The following TANC2 variants were observed in gnomAD, a reference collection of about 807,000 sequenced individuals.
TANC2 encodes the protein tetratricopeptide repeat, ankyrin repeat and coiled-coil containing 2, also known as protein TANC2.
A neutral mutation model predicts 210.5 loss-of-function variants in TANC2; 26 were observed. The ratio of observed to expected loss-of-function variants is 0.12; its 90% confidence interval spans 0.09 to 0.17. TANC2 has a LOEUF of 0.17. Among genes scored for constraint, TANC2 ranks in the 10% least tolerant of loss-of-function variants. TANC2 has a pLI of 1.00. For synonymous variants in TANC2, 931 were observed against 967.1 expected, an observed-to-expected ratio of 0.96 and a Z score of 0.69; for missense variants, 2,129 against 2,608.9, an observed-to-expected ratio of 0.82 and a Z score of 4.01.
chr17:63,395,707 CTG>C (rs767918431), intron 17 of TANC2, 34 bp from the exon 18 acceptor site: 1 of 1,597,768 alleles, frequency 6.3e-7, no homozygotes, highest in Admixed American at 1.7e-5. Context: ...AGCCACAAGT[CTG>C]TGTTCACACA....
chr17:62,968,004 T>C (rs977926506), intron 1 of TANC2, among the ~76,000 whole-genome samples: 2 of 152,180 alleles, frequency 1.3e-5, no homozygotes, highest in South Asian at 4.1e-4. Context: ...TATCTAGATA[T>C]TTATTTATGT....
At chr17:63,007,995 T>G (rs1175937542) in intron 1 of TANC2, among the ~76,000 whole-genome samples, 2 of 151,758 alleles carry the variant, frequency 1.3e-5, no homozygotes, top group African/African-American at 2.4e-5. Context: ...CCAGTTTTTT[T>G]TTTTTTTTTT....
chr17:63,175,598 C>A (rs2040552895), intron 5 of TANC2, among the ~76,000 whole-genome samples: 2 of 148,924 alleles, frequency 1.3e-5, no homozygotes, highest in Admixed American at 6.7e-5. Context: ...ATCTTTGCAA[C>A]CTTGGGGCAA....
chr17:63,230,700 T>G (rs2145999167), intron 7 of TANC2, among the ~76,000 whole-genome samples: 1 of 152,346 alleles, frequency 6.6e-6, no homozygotes, highest in Admixed American at 6.5e-5. Context: ...TGTGATCAAT[T>G]TTACAGTAAG....
chr17:63,216,656 C>G (rs572085373), intron 7 of TANC2, among the ~76,000 whole-genome samples: 4 of 152,198 alleles, frequency 2.6e-5, no homozygotes, highest in Admixed American at 1.3e-4. Flanking sequence ...TCATATGAAT[C>G]GTAGGGCACC....
At position 63,364,987 on chromosome 17, in the gene TANC2, A is replaced by C. The variant is rs190007103; in HGVS notation, c.2582+9597A>C. On this transcript the variant is annotated intron_variant, in intron 14 of 27. Coordinates refer to ENST00000689528, the Ensembl canonical transcript of TANC2. ...GAGGTGGAAGTAGGGCAGGCGATTA[A>C]GGGAAATTTCTTGTACTGAAAGTAG... Among the ~76,000 whole-genome samples the C allele has an allele frequency of 1.2e-4, 19 of 152,326 alleles. No individual in the cohort carries two copies. The East Asian group carries it at 3.7e-3, about 29-fold the overall frequency.
intron 10 of TANC2, among the ~76,000 whole-genome samples, chr17:63,316,759 G>A (rs1426689289): frequency 6.6e-6 from 1 of 152,076 alleles, no homozygotes; most frequent in African/African-American, 2.4e-5. Flanking sequence ...TATTCTACCA[G>A]TGCCATCTTA....
At chr17:63,120,104 G>T (rs1315231954) in intron 4 of TANC2, among the ~76,000 whole-genome samples, 2 of 151,146 alleles carry the variant, frequency 1.3e-5, no homozygotes, top group African/African-American at 4.9e-5. Flanking sequence ...TTTTAATGAG[G>T]TTAGTATTTT....
chr17:63,269,558 T>C (rs1457149913), intron 9 of TANC2, among the ~76,000 whole-genome samples: 2 of 152,194 alleles, frequency 1.3e-5, no homozygotes, highest in Admixed American at 6.6e-5. Flanking sequence ...GACTTTATTT[T>C]CTGCTTTACT....
At chr17:63,036,900 G>A (rs1335911806) in intron 2 of TANC2, among the ~76,000 whole-genome samples, 6 of 150,274 alleles carry the variant, frequency 4.0e-5, no homozygotes, top group Non-Finnish European at 1.5e-5. Context: ...TGTCCAGAGG[G>A]GATACACACC....
chr17:63,364,700 T>C (rs2047060211), intron 14 of TANC2, among the ~76,000 whole-genome samples: 1 of 151,812 alleles, frequency 6.6e-6, no homozygotes, highest in African/African-American at 2.4e-5. Context: ...GGTGGGAGAA[T>C]CACTTGAGGC....
intron 17 of TANC2, 180 bp downstream of exon 17, chr17:63,389,724 G>A: frequency 1.5e-6 from 1 of 653,518 alleles, no homozygotes; most frequent in South Asian, 1.8e-5. Flanking sequence ...CCATCCTGCA[G>A]GAGCACACAG....
chr17:63,251,398 AGTACAACTAG>A (rs750362010), intron 8 of TANC2, among the ~76,000 whole-genome samples: 3 of 152,214 alleles, frequency 2.0e-5, no homozygotes, highest in Non-Finnish European at 2.9e-5. Flanking sequence ...TGTGAGGAAG[AGTACAACTAG>A]GTACAACTAG....
chr17:63,008,895 G>A (rs1050362035), intron 1 of TANC2, among the ~76,000 whole-genome samples: 2 of 152,048 alleles, frequency 1.3e-5, no homozygotes, highest in Non-Finnish European at 2.9e-5. Context: ...TAGGAAAATT[G>A]TCCAAGAATG....
At chr17:63,123,456 G>A (rs1168760174) in intron 4 of TANC2, among the ~76,000 whole-genome samples, 1 of 151,668 alleles carries the variant, frequency 6.6e-6, no homozygotes, top group East Asian at 2.0e-4. Context: ...CTGCTGGGGA[G>A]GCTGAGGCAG....
intron 4 of TANC2, among the ~76,000 whole-genome samples, chr17:63,104,672 GACAT>G (rs1449423637): frequency 1.3e-5 from 2 of 152,184 alleles, no homozygotes; most frequent in Non-Finnish European, 2.9e-5. Flanking sequence ...TACATATGCA[GACAT>G]ACATACACAC....
chr17:63,292,469 T>G (rs1012255635), intron 9 of TANC2, among the ~76,000 whole-genome samples: 7 of 152,328 alleles, frequency 4.6e-5, no homozygotes, highest in Admixed American at 2.6e-4. Flanking sequence ...ACAGAAAGTC[T>G]TTAGTGACTT....
chr17:63,327,058 G>A (rs186726806), intron 11 of TANC2, among the ~76,000 whole-genome samples: 6 of 152,220 alleles, frequency 3.9e-5, no homozygotes, highest in African/African-American at 1.4e-4. Context: ...TTAAAAAAAT[G>A]GGCAAAGGAC....
intron 2 of TANC2, among the ~76,000 whole-genome samples, chr17:63,023,953 G>A (rs1253072315): frequency 6.6e-6 from 1 of 152,148 alleles, no homozygotes; most frequent in African/African-American, 2.4e-5. Context: ...ATAGACACAT[G>A]TATTCACACT....
Sources: gnomAD v4.1 joint callset for allele counts (sites outside exome capture counted in the v4.1 genomes callset) on GRCh38, gnomAD v4.1.1 for gene constraint, MANE v1.5 for transcripts, NCBI Gene and HGNC (gene_info 2026-07-23, HGNC 2026-07-21) for gene names.